Variants in PMFBP1 observed in about 807,000 individuals in gnomAD.
PMFBP1 encodes the protein polyamine-modulated factor 1-binding protein 1.
Under a neutral mutation model 137.8 loss-of-function variants are expected in PMFBP1, and 131 were observed. The observed-to-expected ratio is 0.95, with a 90% CI of 0.82 to 1.10. PMFBP1 has a LOEUF of 1.10. Among genes scored for constraint, PMFBP1 ranks in the 50% least tolerant of loss-of-function variants. The pLI is 0.00. For synonymous variants in PMFBP1, 490 were observed against 450.4 expected, an observed-to-expected ratio of 1.09 and a Z score of -1.11; for missense variants, 1,199 against 1,175.4, an observed-to-expected ratio of 1.02 and a Z score of -0.29.
At chr16:72,212,363 G>C in the PMFBP1 span, among the ~76,000 whole-genome samples, 1 of 151,914 alleles carries the variant, frequency 6.6e-6, no homozygotes, top group African/African-American at 2.4e-5. Context: ...ATATATAGAG[G>C]ATAAACCTGT....
chr16:72,233,251 T>G, the PMFBP1 span, among the ~76,000 whole-genome samples: 2 of 152,206 alleles, frequency 1.3e-5, no homozygotes, highest in Middle Eastern at 6.8e-3. Flanking sequence ...CCAAACCACC[T>G]AGTAAAGCTC....
At chr16:72,146,528 A>G (rs2042809045) in intron 5 of PMFBP1, among the ~76,000 whole-genome samples, 1 of 152,208 alleles carries the variant, frequency 6.6e-6, no homozygotes, top group Admixed American at 6.5e-5. Flanking sequence ...GGCCAGGGCA[A>G]TCACGCAAGA....
upstream of PMFBP1, among the ~76,000 whole-genome samples, chr16:72,179,146 C>T (rs917319584): frequency 8.5e-5 from 13 of 152,188 alleles, no homozygotes; most frequent in South Asian, 1.0e-3. Flanking sequence ...CTTTTGAGGG[C>T]GATATTATCA....
chr16:72,234,386 A>G, the PMFBP1 span, among the ~76,000 whole-genome samples: 1 of 152,176 alleles, frequency 6.6e-6, no homozygotes, highest in Non-Finnish European at 1.5e-5. Flanking sequence ...GTACAAACAC[A>G]GAAACTCAGG....
chr16:72,206,780 T>C, the PMFBP1 span, among the ~76,000 whole-genome samples: 185 of 152,264 alleles, frequency 1.2e-3, 1 homozygote, highest in African/African-American at 4.1e-3. Flanking sequence ...AAAGTAACAA[T>C]AGCAAAGGAG....
intron 3 of PMFBP1, among the ~76,000 whole-genome samples, chr16:72,162,467 T>C (rs910174221): frequency 2.6e-4 from 39 of 152,266 alleles, no homozygotes; most frequent in African/African-American, 9.2e-4. Context: ...TTGTAAACTA[T>C]GACCTCCTGC....
rs1597468573 is a variant in PMFBP1 at position 72,136,838 on chromosome 16, G to C, written c.919-19C>G. On this transcript the variant is annotated intron_variant, in intron 7 of 20. Transcript: ENST00000237353. The stretch of plus-strand genomic sequence containing the variant: ...TCAGTATCTGGCAGATGGAAGAACA[G>C]GGCAGGATGAGGAGATGAGAGACAA... 6.2e-7 allele frequency: 1 copy of C among 1,613,936 alleles called. No homozygotes were observed. The highest frequency in any genetic ancestry group is 2.2e-5 in the East Asian group (1 of 44,882).
At position 72,151,310 on chromosome 16, in the gene PMFBP1, C is replaced by G. The variant is rs1275846557; in HGVS notation, c.415-481G>C. 3.3e-5 allele frequency among the ~76,000 whole-genome samples: 5 copies of G among 152,270 alleles called. No individual in the cohort carries two copies. The East Asian group carries it at 9.7e-4, about 29-fold the overall frequency. ...AAAGTTCCTCTGGGATTTGCACAAT[C>G]CTTGTTTAGATTTATTTTCTTCCTC... On this transcript the variant is annotated intron_variant, in intron 4 of 20. Coordinates refer to ENST00000237353, the MANE Select transcript of PMFBP1 (RefSeq NM_031293.3).
At chr16:72,181,047 T>A (rs570679075), upstream of PMFBP1, among the ~76,000 whole-genome samples, 78 of 152,208 alleles carry the variant, frequency 5.1e-4, no homozygotes, top group African/African-American at 1.8e-3. Context: ...GAGACCATCC[T>A]GGCCAACATG....
chr16:72,233,053 G>T, the PMFBP1 span, among the ~76,000 whole-genome samples: 2 of 152,056 alleles, frequency 1.3e-5, no homozygotes, highest in Non-Finnish European at 2.9e-5. Context: ...TGGTAAAAAT[G>T]ACTCTCAAAA....
the PMFBP1 span, among the ~76,000 whole-genome samples, chr16:72,236,945 C>T: frequency 5.7e-4 from 87 of 152,230 alleles, no homozygotes; most frequent in African/African-American, 1.7e-3. Context: ...CTTTTATATG[C>T]AAAATACTTT....
chr16:72,140,928 CTTTT>C (rs35908141), intron 5 of PMFBP1, among the ~76,000 whole-genome samples: 7 of 69,788 alleles, frequency 1.0e-4, no homozygotes, highest in East Asian at 4.4e-4. Flanking sequence ...ACAAATGAGT[CTTTT>C]TTTTTTTTTT....
At chr16:72,196,588 T>C in the PMFBP1 span, among the ~76,000 whole-genome samples, 1 of 152,232 alleles carries the variant, frequency 6.6e-6, no homozygotes, top group Non-Finnish European at 1.5e-5. Context: ...ACTCCTGTTG[T>C]GGAGCAGCTG....
chr16:72,233,427 TC>T, the PMFBP1 span, among the ~76,000 whole-genome samples: 2 of 152,108 alleles, frequency 1.3e-5, no homozygotes, highest in Non-Finnish European at 2.9e-5. Context: ...CACATTTAGA[TC>T]CTCTGAACAA....
At chr16:72,222,420 A>G in the PMFBP1 span, among the ~76,000 whole-genome samples, 1 of 152,046 alleles carries the variant, frequency 6.6e-6, no homozygotes, top group African/African-American at 2.4e-5. Flanking sequence ...TATTTCCACA[A>G]ATATTTTATT....
intron 9 of PMFBP1, among the ~76,000 whole-genome samples, chr16:72,134,251 A>C (rs958293134): frequency 1.3e-5 from 2 of 152,124 alleles, no homozygotes; most frequent in African/African-American, 4.8e-5. Flanking sequence ...TCTTCTGAGG[A>C]GGCAAGATCT....
chr16:72,212,828 C>T, the PMFBP1 span, among the ~76,000 whole-genome samples: 4 of 152,210 alleles, frequency 2.6e-5, no homozygotes, highest in Admixed American at 6.5e-5. Context: ...AAGTTTCCAG[C>T]GGGGATAAAA....
upstream of PMFBP1, chr16:72,176,872 T>A (rs1359597272): frequency 6.6e-6 from 1 of 152,256 alleles, no homozygotes; most frequent in Non-Finnish European, 1.5e-5. Context: ...TTGGAACCCC[T>A]GTTTCATGGT....
chr16:72,150,725 A>G lies in PMFBP1; in HGVS notation c.519T>C (p.Ser173=), dbSNP rs2144409900. The change falls in exon 5 of 21, where the codon TCT becomes TCC. Residue 173 remains serine (S), a synonymous_variant. Transcript: ENST00000237353. ...TGTAGAGGTTTAAGCTCCTCTCTAG[A>G]GAGGCGATCTTGTCCCCGGCCAAGG... ...QLALAGDKIA[S]LERSLNLYRD... 1 of 1,614,192 alleles carries G rather than the reference A, an allele frequency of 6.2e-7. No homozygotes were observed. The highest frequency in any genetic ancestry group is 8.5e-7 in the Non-Finnish European group (1 of 1,180,026).
Sources: gnomAD v4.1 joint callset for allele counts (sites outside exome capture counted in the v4.1 genomes callset) on GRCh38, gnomAD v4.1.1 for gene constraint, MANE v1.5 for transcripts, NCBI Gene and HGNC (gene_info 2026-07-23, HGNC 2026-07-21) for gene names.